CHST11: variants seen among roughly 807,000 people sequenced by gnomAD.
The protein encoded by CHST11 is carbohydrate sulfotransferase 11.
In CHST11, 9 loss-of-function variants were observed where a neutral mutation model predicts 30.4. That is an observed-to-expected ratio of 0.30 (90% confidence interval 0.18 to 0.52). CHST11 has a LOEUF of 0.52. Ranked by LOEUF, CHST11 falls within the 20% of genes least tolerant of loss-of-function variation. CHST11 has a pLI of 0.97. For missense variants in CHST11, 348 were observed against 460.6 expected, an observed-to-expected ratio of 0.76 and a Z score of 2.24; for synonymous variants, 152 against 187.8, an observed-to-expected ratio of 0.81 and a Z score of 1.56.
In CHST11 at chr12:104,695,754, C is replaced by T. The variant is rs116905589; in HGVS notation, c.205-61195C>T. ...GCGGGGGAAATCCATTACCCAGAAG[C>T]GGCCCCAGCTCCCCCTTCACAGCCC... On this transcript the variant is annotated intron_variant, in intron 2 of 2. Coordinates refer to ENST00000303694, the MANE Select transcript of CHST11 (RefSeq NM_018413.6). 9.9e-3 allele frequency among the ~76,000 whole-genome samples: 1,509 copies of T among 152,268 alleles called. 23 individuals carry two copies. Among genetic ancestry groups the T allele is most frequent in the South Asian group, 0.056 (269 of 4,820 alleles).
chr12:104,596,019 T>C (rs2038903343), intron 1 of CHST11, among the ~76,000 whole-genome samples: 1 of 152,194 alleles, frequency 6.6e-6, no homozygotes, highest in Non-Finnish European at 1.5e-5. Flanking sequence ...TTCATCACAG[T>C]GACCTCAGAA....
intron 2 of CHST11, among the ~76,000 whole-genome samples, chr12:104,633,058 C>T (rs1396829311): frequency 6.6e-6 from 1 of 152,230 alleles, no homozygotes; most frequent in African/African-American, 2.4e-5. Flanking sequence ...AGGGTGAGAG[C>T]TCTTCCATCC....
At chr12:104,588,338 AATC>A (rs765254315) in intron 1 of CHST11, among the ~76,000 whole-genome samples, 2 of 152,100 alleles carry the variant, frequency 1.3e-5, no homozygotes, top group African/African-American at 2.4e-5. Context: ...CTTCATTTGC[AATC>A]ATCCTAGGTT....
intron 2 of CHST11, among the ~76,000 whole-genome samples, chr12:104,717,426 T>A (rs946323459): frequency 9.2e-5 from 14 of 152,136 alleles, no homozygotes; most frequent in African/African-American, 3.4e-4. Flanking sequence ...GCTTCAGGGA[T>A]TTTTTTAGTC....
chr12:104,467,285 A>C (rs1451877009), intron 1 of CHST11, among the ~76,000 whole-genome samples: 2 of 152,156 alleles, frequency 1.3e-5, no homozygotes, highest in Admixed American at 6.5e-5. Flanking sequence ...TGATATAGTT[A>C]AAATTTTTTT....
intron 2 of CHST11, among the ~76,000 whole-genome samples, chr12:104,684,315 A>C (rs1055571384): frequency 6.7e-6 from 1 of 149,774 alleles, no homozygotes; most frequent in Admixed American, 6.7e-5. Flanking sequence ...TAGATGGGTG[A>C]GTGAGTGGAT....
chr12:104,538,996 A>G (rs1434414449), intron 1 of CHST11, among the ~76,000 whole-genome samples: 2 of 152,250 alleles, frequency 1.3e-5, no homozygotes, highest in Non-Finnish European at 2.9e-5. Context: ...CATTTTACAG[A>G]TGAAGACACT....
At chr12:104,615,104 T>C (rs1340009936) in intron 2 of CHST11, among the ~76,000 whole-genome samples, 2 of 152,138 alleles carry the variant, frequency 1.3e-5, no homozygotes, top group African/African-American at 4.8e-5. Context: ...ATAGCAGACA[T>C]TGGGCAGCCC....
intron 2 of CHST11, among the ~76,000 whole-genome samples, chr12:104,720,996 C>G (rs1592857996): frequency 6.6e-6 from 1 of 152,134 alleles, no homozygotes; most frequent in African/African-American, 2.4e-5. Context: ...GCTCCAGGGC[C>G]GGGGCTGGTC....
intron 2 of CHST11, among the ~76,000 whole-genome samples, chr12:104,619,909 C>A (rs944101648): frequency 2.0e-5 from 3 of 152,148 alleles, no homozygotes; most frequent in African/African-American, 4.8e-5. Flanking sequence ...AACTTGTAAT[C>A]TTTGCGAAGG....
intron 1 of CHST11, among the ~76,000 whole-genome samples, chr12:104,593,678 A>T (rs2038882496): frequency 1.3e-5 from 2 of 152,064 alleles, no homozygotes; most frequent in South Asian, 4.1e-4. Context: ...TTGAATCCCA[A>T]CTCTGACATT....
At chr12:104,730,779 G>C (rs2040250891) in intron 2 of CHST11, among the ~76,000 whole-genome samples, 1 of 152,182 alleles carries the variant, frequency 6.6e-6, no homozygotes, top group Non-Finnish European at 1.5e-5. Flanking sequence ...CGTCCACACT[G>C]TTCATCTCTA....
At chr12:104,707,070 G>T (rs76937178) in intron 2 of CHST11, among the ~76,000 whole-genome samples, 18,896 of 152,242 alleles carry the variant, frequency 0.12, 1,355 homozygotes, top group Middle Eastern at 0.18. Context: ...CCTCCTCAGA[G>T]AAGTCCTCCC....
chr12:104,757,004 A>C lies in CHST11; in HGVS notation c.260A>C (p.Asp87Ala). 1 of 1,613,354 alleles carries C rather than the reference A, an allele frequency of 6.2e-7. No homozygotes were observed. Among genetic ancestry groups the C allele is most frequent in the Non-Finnish European group, 8.5e-7 (1 of 1,179,850 alleles). ...CAGATGCGGCGGGACCAGGTGACAG[A>C]CACGTGCCGAGCCAACAGCGCCACA... ...LHQMRRDQVT[D>A]TCRANSATSR... The change falls in exon 3 of 3, where the codon GAC becomes GCC. Residue 87 changes from aspartate to alanine, a missense_variant. Physicochemically the swap from Asp to Ala is moderately radical, Grantham distance 126 (BLOSUM62 -2). Transcript: ENST00000303694. This position sits in a 1 kb window ranked among gnomAD's most constrained non-coding sequence, Gnocchi z 6.5.
At chr12:104,486,957 G>A (rs768565971) in intron 1 of CHST11, among the ~76,000 whole-genome samples, 85 of 152,332 alleles carry the variant, frequency 5.6e-4, no homozygotes, top group Middle Eastern at 6.8e-3. Flanking sequence ...GGCATGCCCA[G>A]ATAGAGTTAG....
chr12:104,472,180 G>T (rs1438122885), intron 1 of CHST11, among the ~76,000 whole-genome samples: 8 of 121,652 alleles, frequency 6.6e-5, no homozygotes, highest in Admixed American at 4.6e-4. Context: ...TAGTTATGTT[G>T]CCCAGGCTGG....
At position 104,759,389 on chromosome 12, in the gene CHST11, AGCCACATC is replaced by A. The variant is rs944378693; in HGVS notation, c.*1587_*1594del. ...GCTGATGCTTCTCAGTTGAAGTTTG[AGCCACATC>A]CCTCTTACAGCTAGTGAATGAGTTG... On this transcript the variant is annotated 3_prime_UTR_variant, in exon 3 of 3. Coordinates refer to ENST00000303694, the MANE Select transcript of CHST11 (RefSeq NM_018413.6). 5 of 148,604 alleles carry A rather than the reference AGCCACATC, an allele frequency of 3.4e-5. No homozygotes were observed. Among genetic ancestry groups the A allele is most frequent in the Admixed American group, 1.3e-4 (2 of 14,964 alleles). The allele number at this position is 148,604 out of a possible 1,614,324, so 9.2% of individuals were successfully genotyped here.
chr12:104,641,661 A>G (rs1400988817), intron 2 of CHST11, among the ~76,000 whole-genome samples: 3 of 152,112 alleles, frequency 2.0e-5, no homozygotes, highest in Non-Finnish European at 4.4e-5. Context: ...TTTCCACTCA[A>G]TTTTTCTGTC....
chr12:104,490,720 A>G (rs2037736801), intron 1 of CHST11, among the ~76,000 whole-genome samples: 1 of 152,184 alleles, frequency 6.6e-6, no homozygotes, highest in Admixed American at 6.5e-5. Context: ...TCACCCTTTG[A>G]AAAGAGAGGA....
Sources: gnomAD v4.1 joint callset for allele counts (sites outside exome capture counted in the v4.1 genomes callset) on GRCh38, gnomAD v4.1.1 for gene constraint, Gnocchi (gnomAD v3.1) non-coding constraint, MANE v1.5 for transcripts, NCBI Gene and HGNC (gene_info 2026-07-23, HGNC 2026-07-21) for gene names.